Variants in ARMC2 observed in about 807,000 individuals in gnomAD.
ARMC2 encodes armadillo repeat containing 2.
Under a neutral mutation model 90.3 loss-of-function variants are expected in ARMC2, and 67 were observed. The observed-to-expected ratio is 0.74, with a 90% CI of 0.61 to 0.91. The LOEUF (loss-of-function observed/expected upper bound fraction) is 0.91. Among genes scored for constraint, ARMC2 ranks in the 40% least tolerant of loss-of-function variants. The pLI is 0.00. For synonymous variants in ARMC2, 393 were observed against 393.0 expected, an observed-to-expected ratio of 1.00 and a Z score of 0.00; for missense variants, 920 against 1,030.9, an observed-to-expected ratio of 0.89 and a Z score of 1.47.
chr6:108,905,972 C>T (rs961489534), intron 8 of ARMC2, among the ~76,000 whole-genome samples: 2 of 152,058 alleles, frequency 1.3e-5, no homozygotes, highest in African/African-American at 4.8e-5. Flanking sequence ...CTTGGTGATG[C>T]GGTTCTATGT....
At position 108,913,347 on chromosome 6, in the gene ARMC2, C is replaced by T. The variant is rs114936776; in HGVS notation, c.1350+789C>T. Among the ~76,000 whole-genome samples the T allele has an allele frequency of 7.8e-3, 1,183 of 152,182 alleles. 14 individuals carry two copies. The highest frequency in any genetic ancestry group is 0.028 in the African/African-American group (1,156 of 41,500). The stretch of plus-strand genomic sequence containing the variant: ...AACTGTGTTAAAAATTAGATTTAGG[C>T]CCTGCCTTCAAGATGCTTAAAATAT... On this transcript the variant is annotated intron_variant, in intron 10 of 17. Transcript: ENST00000392644.
chr6:108,889,547 C>T lies in ARMC2; in HGVS notation c.672-4920C>T, dbSNP rs181450717. Among the ~76,000 whole-genome samples the T allele has an allele frequency of 4.1e-4, 62 of 151,306 alleles. 1 individual carries two copies. The highest frequency in any genetic ancestry group is 3.4e-3 in the Middle Eastern group (1 of 292). ...CCTCGACCTTCTGGGCTCAAGCGAT[C>T]CTCCTGCCTCAGCCTCCAAAGTGGC... is the stretch of plus-strand genomic sequence containing the variant. On this transcript the variant is annotated intron_variant, in intron 5 of 17. Coordinates refer to ENST00000392644, the MANE Select transcript of ARMC2 (RefSeq NM_032131.6).
At chr6:108,852,982 C>T (rs1265937194) in intron 1 of ARMC2, among the ~76,000 whole-genome samples, 1 of 151,944 alleles carries the variant, frequency 6.6e-6, no homozygotes, top group East Asian at 1.9e-4. Flanking sequence ...AAAGTAAAAG[C>T]CAATCATTTC....
At chr6:108,917,870 G>A (rs1003527223) in intron 10 of ARMC2, among the ~76,000 whole-genome samples, 9 of 152,154 alleles carry the variant, frequency 5.9e-5, no homozygotes, top group Non-Finnish European at 1.0e-4. Context: ...TAGTAGAGAT[G>A]GGTTTTCACC....
intron 7 of ARMC2, among the ~76,000 whole-genome samples, chr6:108,900,236 T>C (rs918405858): frequency 1.1e-4 from 17 of 152,324 alleles, no homozygotes; most frequent in African/African-American, 3.6e-4. Context: ...TCCTACTCTC[T>C]TGAAGGGAGC....
the ARMC2 span, among the ~76,000 whole-genome samples, chr6:109,007,310 A>G: frequency 2.0e-5 from 3 of 152,230 alleles, no homozygotes; most frequent in Admixed American, 6.5e-5. Context: ...TTTGTGAGAT[A>G]CATTTATGCA....
At chr6:108,921,995 A>G (rs574621817) in intron 10 of ARMC2, among the ~76,000 whole-genome samples, 35 of 152,354 alleles carry the variant, frequency 2.3e-4, no homozygotes, top group African/African-American at 7.0e-4. Flanking sequence ...CTGAGCTTCA[A>G]TGAGTCACAA....
At chr6:108,862,535 A>C (rs1406772738) in intron 3 of ARMC2, among the ~76,000 whole-genome samples, 1 of 152,038 alleles carries the variant, frequency 6.6e-6, no homozygotes, top group Non-Finnish European at 1.5e-5. Context: ...CCAGTCAAAA[A>C]ATTCTGAAAA....
the ARMC2 span, among the ~76,000 whole-genome samples, chr6:109,040,998 T>C: frequency 6.6e-6 from 1 of 151,208 alleles, no homozygotes; most frequent in East Asian, 2.0e-4. Context: ...ATTTACAGAG[T>C]GTGCATCATT....
At position 108,953,056 on chromosome 6, in the gene ARMC2, T is replaced by C; in HGVS notation, c.1620T>C (p.Phe540=). Residue 540 remains phenylalanine (F), a synonymous_variant, in exon 13 of 18, where the codon TTT becomes TTC. Coordinates refer to ENST00000392644, the MANE Select transcript of ARMC2 (RefSeq NM_032131.6). ...AGGATTTAGTCGTCCGTGTTGTTTT[T>C]ATTCTTGGCAACCTGACGGCAAAAA... ...KKQDLVVRVV[F]ILGNLTAKNN... 6.2e-7 allele frequency: 1 copy of C among 1,611,996 alleles called. No individual in the cohort carries two copies. Among genetic ancestry groups the C allele is most frequent in the Non-Finnish European group, 8.5e-7 (1 of 1,178,936 alleles).
chr6:108,903,371 G>A (rs548264302), intron 7 of ARMC2, among the ~76,000 whole-genome samples: 2 of 151,976 alleles, frequency 1.3e-5, no homozygotes, highest in Non-Finnish European at 2.9e-5. Context: ...CTCCCAAAGT[G>A]CTGGATTTAC....
chr6:108,863,302 C>G (rs1381648636), intron 3 of ARMC2, among the ~76,000 whole-genome samples: 3 of 152,150 alleles, frequency 2.0e-5, no homozygotes, highest in Admixed American at 6.5e-5. Context: ...AGGCTGGTCT[C>G]AAACCCCTAG....
chr6:108,944,688 G>A (rs545497802), intron 12 of ARMC2, among the ~76,000 whole-genome samples: 1 of 152,310 alleles, frequency 6.6e-6, no homozygotes, highest in East Asian at 1.9e-4. Flanking sequence ...GTTTGCAACA[G>A]TTAAATTGAG....
chr6:109,005,843 C>T, the ARMC2 span, among the ~76,000 whole-genome samples: 12 of 152,116 alleles, frequency 7.9e-5, no homozygotes, highest in African/African-American at 1.9e-4. Context: ...ATTATACAAA[C>T]GTGAGTCTTT....
chr6:109,023,986 C>T, the ARMC2 span, among the ~76,000 whole-genome samples: 30 of 152,074 alleles, frequency 2.0e-4, no homozygotes, highest in East Asian at 1.7e-3. Context: ...CACACACACA[C>T]CCTTAAAATG....
intron 5 of ARMC2, among the ~76,000 whole-genome samples, chr6:108,887,400 AT>A (rs1445160900): frequency 6.6e-6 from 1 of 152,144 alleles, no homozygotes; most frequent in East Asian, 1.9e-4. Flanking sequence ...CTCCTCACTG[AT>A]TGCAAGAGAA....
the ARMC2 span, among the ~76,000 whole-genome samples, chr6:109,024,231 G>A: frequency 7.9e-5 from 12 of 152,168 alleles, no homozygotes; most frequent in Middle Eastern, 3.4e-3. Context: ...CTTTTACTTG[G>A]TACAAAATTA....
In ARMC2 at chr6:108,935,166, G is replaced by C. The variant is rs185626687; in HGVS notation, c.1497-1734G>C. 7.3e-4 allele frequency among the ~76,000 whole-genome samples: 111 copies of C among 152,114 alleles called. 1 individual carries two copies. The highest frequency in any genetic ancestry group is 1.1e-3 in the Non-Finnish European group (75 of 67,980). ...CTTTCTTTCCTAATTTTGATTGTTC[G>C]TGCTGTTTCTCTTTTTCTTAGTCTT... is the stretch of plus-strand genomic sequence containing the variant. On this transcript the variant is annotated intron_variant, in intron 11 of 17. Transcript: ENST00000392644.
the ARMC2 span, among the ~76,000 whole-genome samples, chr6:108,981,458 C>G: frequency 2.0e-5 from 3 of 152,106 alleles, no homozygotes; most frequent in Non-Finnish European, 4.4e-5. Context: ...CTATACGCAC[C>G]AAACAACTCC....
Sources: allele counts gnomAD v4.1 joint callset (sites outside exome capture counted in the v4.1 genomes callset), GRCh38; gene constraint gnomAD v4.1.1; transcripts MANE v1.5; gene names NCBI Gene and HGNC (gene_info 2026-07-23, HGNC 2026-07-21).